The following AUTS2 variants were observed in gnomAD, a reference collection of about 807,000 sequenced individuals.
AUTS2 encodes autism susceptibility gene 2 protein.
In AUTS2, 17 loss-of-function variants were observed where a neutral mutation model predicts 112.4. The ratio of observed to expected loss-of-function variants is 0.15; its 90% CI spans 0.10 to 0.23. The LOEUF (loss-of-function observed/expected upper bound fraction) is 0.23. Among genes scored for constraint, AUTS2 ranks in the 10% least tolerant of loss-of-function variants. The probability of loss-of-function intolerance (pLI) is 1.00; values close to 1 mark genes in which losing one functional copy is unlikely to be tolerated. For missense variants in AUTS2, 1,510 were observed against 1,701.6 expected (o/e 0.89, Z 1.98); for synonymous variants, 751 against 702.7 (o/e 1.07, Z -1.09).
At chr7:70,089,092 A>G (rs1206425712) in intron 2 of AUTS2, among the ~76,000 whole-genome samples, 1 of 152,152 alleles carries the variant, frequency 6.6e-6, no homozygotes, top group Non-Finnish European at 1.5e-5. Flanking sequence ...TGAATGTTCT[A>G]TAAATGTCAA....
At chr7:70,563,580 G>A (rs1456458869) in intron 5 of AUTS2, among the ~76,000 whole-genome samples, 1 of 152,204 alleles carries the variant, frequency 6.6e-6, no homozygotes, top group South Asian at 2.1e-4. Flanking sequence ...CCCTTGAGGT[G>A]AGTGGGTAGA....
chr7:70,642,388 TC>T (rs1805882010), intron 5 of AUTS2, among the ~76,000 whole-genome samples: 1 of 151,378 alleles, frequency 6.6e-6, no homozygotes, highest in Non-Finnish European at 1.5e-5. Context: ...TAAGTCTTTT[TC>T]TATCCTTCGT....
At chr7:70,727,078 T>A (rs1217154340) in intron 6 of AUTS2, among the ~76,000 whole-genome samples, 1 of 152,142 alleles carries the variant, frequency 6.6e-6, no homozygotes, top group African/African-American at 2.4e-5. Context: ...GAAGGCTGGG[T>A]ATTAACATCG....
At chr7:70,106,928 G>T (rs551766532) in intron 2 of AUTS2, among the ~76,000 whole-genome samples, 2 of 150,868 alleles carry the variant, frequency 1.3e-5, no homozygotes, top group East Asian at 4.0e-4. Flanking sequence ...TTTTATACTT[G>T]TTAGGTAAAA....
intron 5 of AUTS2, among the ~76,000 whole-genome samples, chr7:70,605,491 CA>C (rs1803684809): frequency 1.3e-5 from 2 of 149,052 alleles, no homozygotes; most frequent in South Asian, 4.2e-4. Flanking sequence ...CTATAAGTAG[CA>C]GTTCATTTGT....
intron 1 of AUTS2, among the ~76,000 whole-genome samples, chr7:69,676,402 A>C (rs1223629761): frequency 6.6e-6 from 1 of 152,238 alleles, no homozygotes; most frequent in Non-Finnish European, 1.5e-5. Flanking sequence ...AGAGTTGCTG[A>C]GGCAAGGCCA....
chr7:69,976,191 G>C (rs1798053570), intron 2 of AUTS2, among the ~76,000 whole-genome samples: 2 of 152,184 alleles, frequency 1.3e-5, no homozygotes, highest in Non-Finnish European at 2.9e-5. Flanking sequence ...GTAGCCACCA[G>C]TCTACTTTCT....
At chr7:69,718,076 T>C (rs1200997687) in intron 1 of AUTS2, among the ~76,000 whole-genome samples, 1 of 152,232 alleles carries the variant, frequency 6.6e-6, no homozygotes, top group Non-Finnish European at 1.5e-5. Flanking sequence ...TTGCCGTTTA[T>C]GTTGTTGGTT....
chr7:69,969,298 T>G (rs933963413), intron 2 of AUTS2, among the ~76,000 whole-genome samples: 1 of 152,162 alleles, frequency 6.6e-6, no homozygotes, highest in African/African-American at 2.4e-5. Flanking sequence ...AGTTAATTGC[T>G]TCATTTGAAT....
intron 4 of AUTS2, among the ~76,000 whole-genome samples, chr7:70,142,721 G>C (rs1806930466): frequency 6.6e-6 from 1 of 152,158 alleles, no homozygotes; most frequent in African/African-American, 2.4e-5. Context: ...TTAGCACAGT[G>C]CATTGACAGT....
chr7:70,585,836 T>A (rs1214366482), intron 5 of AUTS2, among the ~76,000 whole-genome samples: 9 of 5,146 alleles, frequency 1.7e-3, no homozygotes, highest in Admixed American at 3.6e-3. Flanking sequence ...AAATAAAGAT[T>A]TATTTATTTA....
At chr7:70,401,186 G>C (rs564495918) in intron 4 of AUTS2, among the ~76,000 whole-genome samples, 3 of 151,760 alleles carry the variant, frequency 2.0e-5, no homozygotes, top group African/African-American at 7.2e-5. Flanking sequence ...CATGAAGGGA[G>C]AGGTAACAGA....
intron 5 of AUTS2, among the ~76,000 whole-genome samples, chr7:70,542,541 T>C (rs1258391385): frequency 6.6e-6 from 1 of 152,336 alleles, no homozygotes; most frequent in East Asian, 1.9e-4. Flanking sequence ...GTGTCCTCTT[T>C]CCAGGCACTG....
intron 5 of AUTS2, among the ~76,000 whole-genome samples, chr7:70,624,350 G>A (rs912992476): frequency 2.6e-5 from 4 of 152,110 alleles, no homozygotes; most frequent in African/African-American, 7.2e-5. Context: ...CATTTATATT[G>A]ACTTGATTAG....
intron 2 of AUTS2, among the ~76,000 whole-genome samples, chr7:69,979,567 G>T (rs1163540436): frequency 6.6e-6 from 1 of 152,158 alleles, no homozygotes; most frequent in African/African-American, 2.4e-5. Flanking sequence ...CATTACCAGT[G>T]TATTTTGGAA....
chr7:69,888,569 A>ATATATATATG (rs1382059189), intron 1 of AUTS2, among the ~76,000 whole-genome samples: 2 of 141,548 alleles, frequency 1.4e-5, no homozygotes, highest in Admixed American at 7.1e-5. Flanking sequence ...ATATATATAT[A>ATATATATATG]TATGTATGGT....
rs1792085787 is a variant in AUTS2 at position 70,793,449 on chromosome 7, T to G, written c.*2453T>G. The G allele has an allele frequency of 6.6e-6, 1 of 152,140 alleles. No individual in the cohort carries two copies. Among genetic ancestry groups the G allele is most frequent in the African/African-American group, 2.4e-5 (1 of 41,410 alleles). The allele number at this position is 152,140 out of a possible 1,614,324, so 9.4% of individuals were successfully genotyped here. Reference sequence around the variant, plus strand: ...TCCCTGTCCTCTAAAATCTGTTTTGTTTTTTTCCATGATGTTAAAAAAACA... The same window carrying G: ...TCCCTGTCCTCTAAAATCTGTTTTGGTTTTTTCCATGATGTTAAAAAAACA... On this transcript the variant is annotated 3_prime_UTR_variant, in exon 19 of 19. Transcript: ENST00000342771.
intron 4 of AUTS2, among the ~76,000 whole-genome samples, chr7:70,433,525 C>T (rs1401215648): frequency 2.0e-5 from 3 of 152,208 alleles, no homozygotes; most frequent in African/African-American, 4.8e-5. Context: ...CATCCACCTG[C>T]GGTTCTAGGC....
intron 2 of AUTS2, among the ~76,000 whole-genome samples, chr7:70,003,186 T>A (rs902515340): frequency 5.0e-5 from 6 of 120,922 alleles, no homozygotes; most frequent in African/African-American, 1.0e-4. Flanking sequence ...ATGAATATAT[T>A]ATATATGAAT....
Sources: allele counts gnomAD v4.1 joint callset (sites outside exome capture counted in the v4.1 genomes callset), GRCh38; gene constraint gnomAD v4.1.1; transcripts MANE v1.5; gene names NCBI Gene and HGNC (gene_info 2026-07-23, HGNC 2026-07-21).